TSPEAR: variants seen among roughly 807,000 people sequenced by gnomAD.
TSPEAR encodes the protein thrombospondin type laminin G domain and EAR repeats, also known as thrombospondin-type laminin G domain and EAR repeat-containing protein.
Under a neutral mutation model 71.6 loss-of-function variants are expected in TSPEAR, and 69 were observed. That is an observed-to-expected ratio of 0.96 (90% CI 0.79 to 1.18). The LOEUF (loss-of-function observed/expected upper bound fraction) is 1.18, where lower values mean the gene tolerates loss of function less well. Ranked by LOEUF, TSPEAR falls within the 50% of genes most tolerant of loss-of-function variation. The pLI, the probability that TSPEAR is intolerant of heterozygous loss-of-function variation, is 0.00. For synonymous variants in TSPEAR, 402 were observed against 387.2 expected (o/e 1.04, Z -0.45); for missense variants, 971 against 894.9 (o/e 1.09, Z -1.09).
At chr21:44,650,616 G>A (rs1173195714) in intron 1 of TSPEAR, among the ~76,000 whole-genome samples, 1 of 152,356 alleles carries the variant, frequency 6.6e-6, no homozygotes. Context: ...CCCCACTGAC[G>A]CCTTCACCTC....
chr21:44,616,132 G>A (rs1481856225), intron 1 of TSPEAR, among the ~76,000 whole-genome samples: 3 of 152,268 alleles, frequency 2.0e-5, no homozygotes, highest in African/African-American at 7.2e-5. Flanking sequence ...CTTCCTATGT[G>A]TCACTGCACA....
At chr21:44,707,309 G>GGT (rs1555952635) in intron 1 of TSPEAR, among the ~76,000 whole-genome samples, 3 of 152,086 alleles carry the variant, frequency 2.0e-5, no homozygotes, top group African/African-American at 4.8e-5. Flanking sequence ...GGGTGGGGGG[G>GGT]GGTGCGGGGA....
chr21:44,513,219 T>G (rs994130175), intron 9 of TSPEAR, among the ~76,000 whole-genome samples: 2 of 152,178 alleles, frequency 1.3e-5, no homozygotes, highest in Non-Finnish European at 2.9e-5. Context: ...TGACAGCCCC[T>G]CCTCCCTATG....
chr21:44,505,402 T>A (rs782473749), intron 10 of TSPEAR, among the ~76,000 whole-genome samples: 8 of 151,948 alleles, frequency 5.3e-5, no homozygotes, highest in Middle Eastern at 6.8e-3. Flanking sequence ...TATGGTAAAA[T>A]ACATATAACA....
intron 2 of TSPEAR, chr21:44,558,174 G>T (rs2053568318): frequency 3.2e-6 from 5 of 1,547,558 alleles, no homozygotes; most frequent in Non-Finnish European, 2.6e-6. Context: ...GCAGGTGGAG[G>T]CAGGGGCACA....
At chr21:44,685,944 C>A (rs1986836575) in intron 1 of TSPEAR, among the ~76,000 whole-genome samples, 1 of 152,194 alleles carries the variant, frequency 6.6e-6, no homozygotes, top group Non-Finnish European at 1.5e-5. Context: ...CAGTGTTAGA[C>A]CTCTGTGCAT....
At chr21:44,698,188 TCTCGC>T in intron 1 of TSPEAR, 1 of 592,242 alleles carries the variant, frequency 1.7e-6, no homozygotes, top group East Asian at 2.8e-5. Context: ...GCCCCTGTGG[TCTCGC>T]CTCCTTGGAA....
chr21:44,650,947 G>A (rs1555941303), intron 1 of TSPEAR, among the ~76,000 whole-genome samples: 1 of 152,218 alleles, frequency 6.6e-6, no homozygotes, highest in Non-Finnish European at 1.5e-5. Context: ...GATGCTCTGG[G>A]GGAGGACAGG....
At chr21:44,513,991 C>T (rs782227935) in intron 9 of TSPEAR, among the ~76,000 whole-genome samples, 2 of 152,038 alleles carry the variant, frequency 1.3e-5, no homozygotes, top group Admixed American at 1.3e-4. Flanking sequence ...CTCTTGGGTG[C>T]CCCCCGTGCT....
intron 1 of TSPEAR, among the ~76,000 whole-genome samples, chr21:44,647,995 G>A (rs1555940613): frequency 6.6e-6 from 1 of 152,212 alleles, no homozygotes; most frequent in African/African-American, 2.4e-5. Context: ...CCGTTCAGTT[G>A]GGACCTGAGA....
chr21:44,529,150 G>A (rs992821931), intron 5 of TSPEAR, among the ~76,000 whole-genome samples: 33 of 152,318 alleles, frequency 2.2e-4, no homozygotes, highest in Middle Eastern at 3.4e-3. Context: ...CTTGGTAACC[G>A]CTAACCCTGA....
intron 1 of TSPEAR, among the ~76,000 whole-genome samples, chr21:44,645,715 T>A (rs2838612): frequency 1.3e-5 from 2 of 151,968 alleles, no homozygotes; most frequent in Non-Finnish European, 2.9e-5. Flanking sequence ...TTTTTCTCCA[T>A]GTTTATGTTT....
chr21:44,581,629 G>C (rs782227364), intron 1 of TSPEAR, among the ~76,000 whole-genome samples: 1 of 152,112 alleles, frequency 6.6e-6, no homozygotes, highest in Non-Finnish European at 1.5e-5. Flanking sequence ...TCTGTGGTTA[G>C]AATTCATTGA....
chr21:44,599,006 C>T (rs1275618571), intron 1 of TSPEAR, among the ~76,000 whole-genome samples: 1 of 152,180 alleles, frequency 6.6e-6, no homozygotes, highest in Non-Finnish European at 1.5e-5. Context: ...GTTTCTTCAA[C>T]AGCTCTTTTA....
At chr21:44,534,595 C>T (rs2053056178) in intron 2 of TSPEAR, among the ~76,000 whole-genome samples, 1 of 151,990 alleles carries the variant, frequency 6.6e-6, no homozygotes, top group Admixed American at 6.5e-5. Context: ...CCCAAAGGCA[C>T]CCCCACACAC....
intron 1 of TSPEAR, among the ~76,000 whole-genome samples, chr21:44,655,476 C>T (rs78584012): frequency 3.5e-4 from 53 of 150,658 alleles, no homozygotes; most frequent in East Asian, 3.9e-4. Flanking sequence ...CTCAGAAGTG[C>T]CCACTTCCCA....
At chr21:44,519,697 C>T (rs1457881699) in intron 9 of TSPEAR, 1 of 152,306 alleles carries the variant, frequency 6.6e-6, no homozygotes, top group African/African-American at 2.4e-5. Context: ...CAGCTCTGTC[C>T]CGTGCCACAT....
chr21:44,561,725 A>G (rs1443686743), intron 2 of TSPEAR, among the ~76,000 whole-genome samples: 1 of 152,240 alleles, frequency 6.6e-6, no homozygotes, highest in Non-Finnish European at 1.5e-5. Context: ...ACCAATGACG[A>G]AAACCACATG....
chr21:44,604,365 G>A (rs1981177838), intron 1 of TSPEAR, among the ~76,000 whole-genome samples: 1 of 151,994 alleles, frequency 6.6e-6, no homozygotes, highest in South Asian at 2.1e-4. Context: ...TAAAAGAGAT[G>A]GAAATACGCA....
Sources: gnomAD v4.1 joint callset for allele counts (sites outside exome capture counted in the v4.1 genomes callset) on GRCh38, gnomAD v4.1.1 for gene constraint, MANE v1.5 for transcripts, NCBI Gene and HGNC (gene_info 2026-07-23, HGNC 2026-07-21) for gene names.